The following CSMD1 variants were observed in gnomAD, a reference collection of about 807,000 sequenced individuals.
CSMD1 encodes the protein CUB and sushi domain-containing protein 1.
A neutral mutation model predicts 417.5 loss-of-function variants in CSMD1; 213 were observed. The ratio of observed to expected loss-of-function variants is 0.51; its 90% confidence interval spans 0.46 to 0.57. The LOEUF is 0.57. CSMD1 is among the 20% of genes least tolerant of loss of function. The pLI is 0.00. For synonymous variants in CSMD1, 2,862 were observed against 1,736.8 expected (o/e 1.65, Z -16.11); for missense variants, 6,923 against 4,529.7 (o/e 1.53, Z -15.17).
intron 5 of CSMD1, among the ~76,000 whole-genome samples, chr8:3,959,735 CG>C (rs1812196327): frequency 6.6e-6 from 1 of 152,066 alleles, no homozygotes; most frequent in Non-Finnish European, 1.5e-5. Flanking sequence ...GAAACTGCAG[CG>C]GGAACACACT....
At chr8:4,872,202 G>C (rs184575668) in intron 1 of CSMD1, among the ~76,000 whole-genome samples, 4 of 152,198 alleles carry the variant, frequency 2.6e-5, no homozygotes, top group African/African-American at 9.6e-5. Context: ...ACTCAAGTAA[G>C]GCATAGAGGC....
intron 2 of CSMD1, among the ~76,000 whole-genome samples, chr8:4,557,733 G>C (rs937368135): frequency 6.6e-6 from 1 of 151,900 alleles, no homozygotes; most frequent in African/African-American, 2.4e-5. Context: ...ATACAGCAAA[G>C]GGTCAATTTC....
chr8:3,564,934 A>G (rs2116884323), intron 10 of CSMD1, among the ~76,000 whole-genome samples: 1 of 151,996 alleles, frequency 6.6e-6, no homozygotes, highest in Non-Finnish European at 1.5e-5. Context: ...TGACAAGGAC[A>G]CAATCATGGA....
intron 7 of CSMD1, among the ~76,000 whole-genome samples, chr8:3,682,345 G>GA (rs1230393104): frequency 6.6e-6 from 1 of 151,934 alleles, no homozygotes; most frequent in Non-Finnish European, 1.5e-5. Context: ...AAATTTACAA[G>GA]AAAAAAACAA....
chr8:4,533,418 G>C (rs747586237), intron 2 of CSMD1, among the ~76,000 whole-genome samples: 3 of 152,210 alleles, frequency 2.0e-5, no homozygotes, highest in African/African-American at 7.2e-5. Flanking sequence ...GGACAAAAAA[G>C]GGGACTTTTG....
At chr8:3,835,237 T>C (rs1012427574) in intron 5 of CSMD1, among the ~76,000 whole-genome samples, 1 of 151,694 alleles carries the variant, frequency 6.6e-6, no homozygotes, top group African/African-American at 2.4e-5. Context: ...CAAAGGATTA[T>C]AAATCATGCT....
At position 4,239,413 on chromosome 8, in the gene CSMD1, T is replaced by C. The variant is rs187908459; in HGVS notation, c.415+180540A>G. On this transcript the variant is annotated intron_variant, in intron 3 of 69. Transcript: ENST00000635120. ...TTGGGATCTATCTAACTGTGATTCA[T>C]CTTAACTCGTCTTTCTCCTGGAGGC... Among the ~76,000 whole-genome samples, 19 of 152,302 alleles carry C rather than the reference T, an allele frequency of 1.2e-4. No homozygotes were observed. In the East Asian group the frequency reaches 3.5e-3, roughly 28 times the overall value.
At chr8:3,849,663 G>A (rs1803755052) in intron 5 of CSMD1, among the ~76,000 whole-genome samples, 1 of 152,146 alleles carries the variant, frequency 6.6e-6, no homozygotes, top group Admixed American at 6.5e-5. Flanking sequence ...CCAGGGAGGG[G>A]TCGATTTTAG....
chr8:4,220,915 G>A (rs1284402935), intron 3 of CSMD1, among the ~76,000 whole-genome samples: 1 of 152,194 alleles, frequency 6.6e-6, no homozygotes, highest in Non-Finnish European at 1.5e-5. Flanking sequence ...TAGGCTTCCT[G>A]ATAGAACATG....
At chr8:3,948,984 T>G (rs890143491) in intron 5 of CSMD1, among the ~76,000 whole-genome samples, 2 of 152,132 alleles carry the variant, frequency 1.3e-5, no homozygotes, top group African/African-American at 4.8e-5. Context: ...GGGTAAGAAG[T>G]TGTGTATATA....
chr8:4,884,834 T>G (rs1020508809), intron 1 of CSMD1, among the ~76,000 whole-genome samples: 1 of 152,046 alleles, frequency 6.6e-6, no homozygotes, highest in Non-Finnish European at 1.5e-5. Flanking sequence ...CAAGACTACC[T>G]TGGGTATTTG....
intron 3 of CSMD1, among the ~76,000 whole-genome samples, chr8:4,379,748 T>A (rs1802982996): frequency 6.6e-6 from 1 of 152,012 alleles, no homozygotes; most frequent in Admixed American, 6.5e-5. Flanking sequence ...GTATGATAAA[T>A]GAGAAAAATC....
intron 1 of CSMD1, among the ~76,000 whole-genome samples, chr8:4,841,023 G>A (rs1057064189): frequency 6.6e-6 from 1 of 152,142 alleles, no homozygotes; most frequent in Non-Finnish European, 1.5e-5. Flanking sequence ...CAGCCCCCTG[G>A]CTCCACCCTG....
intron 3 of CSMD1, among the ~76,000 whole-genome samples, chr8:4,135,412 GGGGGAAGGAA>G (rs1254968947): frequency 2.9e-4 from 30 of 103,938 alleles, no homozygotes; most frequent in African/African-American, 1.1e-3. Context: ...GAGGGAAAGA[GGGGGAAGGAA>G]GGGGAAGGAG....
chr8:3,392,882 T>C (rs1811433509), intron 17 of CSMD1, among the ~76,000 whole-genome samples: 1 of 152,118 alleles, frequency 6.6e-6, no homozygotes. Context: ...CCAGAACATC[T>C]GAGCTGGTAT....
At chr8:4,558,874 A>G (rs568855743) in intron 2 of CSMD1, among the ~76,000 whole-genome samples, 1 of 152,098 alleles carries the variant, frequency 6.6e-6, no homozygotes, top group African/African-American at 2.4e-5. Flanking sequence ...TCTCAAAATA[A>G]ATAAATAAAT....
chr8:4,091,077 C>T (rs1800695224), intron 3 of CSMD1, among the ~76,000 whole-genome samples: 2 of 151,876 alleles, frequency 1.3e-5, no homozygotes, highest in African/African-American at 4.8e-5. Flanking sequence ...CACCACAATG[C>T]CCAGCTAATT....
intron 1 of CSMD1, among the ~76,000 whole-genome samples, chr8:4,944,494 GA>G (rs1424175330): frequency 6.6e-6 from 1 of 152,112 alleles, no homozygotes; most frequent in Non-Finnish European, 1.5e-5. Flanking sequence ...CAGATCTTGG[GA>G]AAGCTGAAAG....
chr8:3,301,025 A>G (rs1437035117), intron 25 of CSMD1, among the ~76,000 whole-genome samples: 1 of 151,672 alleles, frequency 6.6e-6, no homozygotes, highest in Non-Finnish European at 1.5e-5. Context: ...AACAAGAGAG[A>G]CAATGTTTAA....
Sources: allele counts gnomAD v4.1 joint callset (sites outside exome capture counted in the v4.1 genomes callset), GRCh38; gene constraint gnomAD v4.1.1; transcripts MANE v1.5; gene names NCBI Gene and HGNC (gene_info 2026-07-23, HGNC 2026-07-21).